Variants in RPS6KA2 observed in about 807,000 individuals in gnomAD.
The protein encoded by RPS6KA2 is ribosomal protein S6 kinase alpha-2.
A neutral mutation model predicts 91.8 loss-of-function variants in RPS6KA2; 42 were observed. That is an observed-to-expected ratio of 0.46 (90% CI 0.36 to 0.59). The LOEUF (loss-of-function observed/expected upper bound fraction) is 0.59, where lower values mean the gene tolerates loss of function less well. Among genes scored for constraint, RPS6KA2 ranks in the 20% least tolerant of loss-of-function variants. RPS6KA2 has a pLI of 0.00. For synonymous variants in RPS6KA2, 414 were observed against 393.6 expected (o/e 1.05, Z -0.61); for missense variants, 798 against 978.5 (o/e 0.82, Z 2.46).
At chr6:166,467,441 T>C (rs1464788155) in intron 11 of RPS6KA2, among the ~76,000 whole-genome samples, 1 of 152,156 alleles carries the variant, frequency 6.6e-6, no homozygotes, top group African/African-American at 2.4e-5. Flanking sequence ...ATAAGGGATA[T>C]GAAAACAGAG....
intron 1 of RPS6KA2, among the ~76,000 whole-genome samples, chr6:166,572,122 T>A (rs181378385): frequency 1.2e-4 from 19 of 152,358 alleles, no homozygotes; most frequent in African/African-American, 4.6e-4. Context: ...ATTAATTTTA[T>A]AGCAAAACTC....
chr6:166,797,728 C>T (rs968900394), intron 2 of RPS6KA2, among the ~76,000 whole-genome samples: 8 of 152,022 alleles, frequency 5.3e-5, no homozygotes, highest in East Asian at 1.9e-4. Context: ...TGCATATAAT[C>T]GGACACGTGC....
intron 2 of RPS6KA2, among the ~76,000 whole-genome samples, chr6:166,679,251 C>T (rs1175599236): frequency 2.0e-5 from 3 of 151,328 alleles, no homozygotes; most frequent in African/African-American, 7.3e-5. Context: ...GTCAGGAGTT[C>T]GAGACCAGCC....
chr6:166,707,898 C>G (rs899310292), intron 2 of RPS6KA2, among the ~76,000 whole-genome samples: 8 of 152,170 alleles, frequency 5.3e-5, no homozygotes, highest in African/African-American at 1.9e-4. Context: ...TGTGCACCAC[C>G]GTGCCCAGAT....
rs758310871 is a variant in RPS6KA2 at position 166,718,723 on chromosome 6, C to T, written c.123+139477G>A. ...ACCCGCTGGTGTAAGATAGCTGCCC[C>T]GCACATGTGCACAGAGGTGACATAA... On this transcript the variant is annotated intron_variant, in intron 2 of 21. Transcript: ENST00000503859. Among the ~76,000 whole-genome samples the T allele has an allele frequency of 3.9e-5, 6 of 152,270 alleles. No individual in the cohort carries two copies. In the South Asian group the frequency reaches 1.2e-3, roughly 32 times the overall value.
chr6:166,620,714 G>A (rs1004642658), intron 1 of RPS6KA2, among the ~76,000 whole-genome samples: 14 of 152,208 alleles, frequency 9.2e-5, no homozygotes, highest in African/African-American at 2.4e-4. Context: ...GCAACACCAC[G>A]GATGCCAAGT....
intron 8 of RPS6KA2, among the ~76,000 whole-genome samples, chr6:166,492,780 A>G (rs1202192872): frequency 4.0e-5 from 6 of 151,132 alleles, no homozygotes; most frequent in Non-Finnish European, 5.9e-5. Context: ...CAATGGCACA[A>G]TCTCGGCTCA....
At chr6:166,556,886 T>C (rs1014154760) in intron 1 of RPS6KA2, among the ~76,000 whole-genome samples, 3 of 152,146 alleles carry the variant, frequency 2.0e-5, no homozygotes, top group Admixed American at 1.3e-4. Context: ...CTAATGAACA[T>C]TTTCTATTGT....
In RPS6KA2 at chr6:166,448,943, A is replaced by C; in HGVS notation, c.1207-94T>G. ...CACAGAATGTGGGGCGAAGAGAGGC[A>C]CCGACTGTGAACTGAGTGTGTGGAG... On this transcript the variant is annotated intron_variant, in intron 13 of 20. Coordinates refer to ENST00000265678, the MANE Select transcript of RPS6KA2 (RefSeq NM_021135.6). The surrounding 1 kb of genome is among the most constrained non-coding windows in gnomAD (Gnocchi z 4.7). 6.8e-7 allele frequency: 1 copy of C among 1,479,998 alleles called. No individual in the cohort carries two copies. Among genetic ancestry groups the C allele is most frequent in the Non-Finnish European group, 9.3e-7 (1 of 1,079,914 alleles). 91.7% of individuals were successfully genotyped at this position (1,479,998 alleles called of 1,614,324 possible).
rs547715985 is a variant in RPS6KA2 at position 166,752,400 on chromosome 6, T to C, written c.123+105800A>G. 2.1e-3 allele frequency among the ~76,000 whole-genome samples: 319 copies of C among 152,218 alleles called. 2 individuals are homozygous for C. Among genetic ancestry groups the C allele is most frequent in the African/African-American group, 7.3e-3 (303 of 41,518 alleles). On this transcript the variant is annotated intron_variant, in intron 2 of 21. Transcript: ENST00000503859. The stretch of plus-strand genomic sequence containing the variant: ...GACACACTGAAGTCTAGAGAGGCAA[T>C]TTAGAATGAATGGAAAGAGAAACCT...
chr6:166,723,020 A>G (rs1790223897), intron 2 of RPS6KA2, among the ~76,000 whole-genome samples: 1 of 152,210 alleles, frequency 6.6e-6, no homozygotes, highest in Non-Finnish European at 1.5e-5. Flanking sequence ...GGGCGCTGCA[A>G]GGACTTAGAG....
At chr6:166,674,797 T>C (rs990267466) in intron 2 of RPS6KA2, among the ~76,000 whole-genome samples, 6 of 152,152 alleles carry the variant, frequency 3.9e-5, no homozygotes, top group African/African-American at 1.4e-4. Flanking sequence ...GCCTCTCAAG[T>C]AGCTGGGATT....
intron 2 of RPS6KA2, among the ~76,000 whole-genome samples, chr6:166,741,550 CA>C (rs754547233): frequency 1.1e-4 from 16 of 152,236 alleles, no homozygotes; most frequent in Non-Finnish European, 1.6e-4. Context: ...CCTCTAATTA[CA>C]GACCAACGGA....
intron 15 of RPS6KA2, 34 bp downstream of exon 15, chr6:166,432,367 G>A: frequency 8.8e-6 from 12 of 1,369,972 alleles, no homozygotes; most frequent in Non-Finnish European, 1.2e-5. Context: ...GAAACAGAAG[G>A]AAGTGGAGAT....
intron 2 of RPS6KA2, among the ~76,000 whole-genome samples, chr6:166,801,148 T>A (rs186022885): frequency 1.6e-3 from 244 of 152,330 alleles, no homozygotes; most frequent in African/African-American, 5.6e-3. Flanking sequence ...TAATTGTGTC[T>A]ACTTTTATAA....
At chr6:166,586,133 G>GT in intron 1 of RPS6KA2, 1 of 1,506,950 alleles carries the variant, frequency 6.6e-7, no homozygotes, top group East Asian at 2.3e-5. Flanking sequence ...AGTAGTAACC[G>GT]TAAGGAGGCC....
chr6:166,602,194 AGTGCCTGAT>A (rs1394105545), intron 1 of RPS6KA2, among the ~76,000 whole-genome samples: 1 of 152,242 alleles, frequency 6.6e-6, no homozygotes, highest in Non-Finnish European at 1.5e-5. Context: ...GCTGCGACTC[AGTGCCTGAT>A]GTCCTACCAA....
At chr6:166,457,899 A>T (rs1227774692) in intron 12 of RPS6KA2, among the ~76,000 whole-genome samples, 3 of 152,244 alleles carry the variant, frequency 2.0e-5, no homozygotes, top group African/African-American at 7.2e-5. Flanking sequence ...TTAAAAAATA[A>T]GAAAATTTCA....
intron 2 of RPS6KA2, among the ~76,000 whole-genome samples, chr6:166,532,230 G>C (rs1783305589): frequency 6.6e-6 from 1 of 152,198 alleles, no homozygotes; most frequent in African/African-American, 2.4e-5. Flanking sequence ...AACTCCAGGT[G>C]GCCCAAGTGA....
Sources: gnomAD v4.1 joint callset for allele counts (sites outside exome capture counted in the v4.1 genomes callset) on GRCh38, gnomAD v4.1.1 for gene constraint, Gnocchi (gnomAD v3.1) non-coding constraint, MANE v1.5 for transcripts, NCBI Gene and HGNC (gene_info 2026-07-23, HGNC 2026-07-21) for gene names.